Variants in NHERF2 observed in about 807,000 individuals in gnomAD.
NHERF2 encodes the protein Na(+)/H(+) exchange regulatory cofactor NHE-RF2.
At chr16:2,033,329 C>T in the NHERF2 span, 1 of 1,533,116 alleles carries the variant, frequency 6.5e-7, no homozygotes, top group East Asian at 2.4e-5. Flanking sequence ...ACGCCTGCCA[C>T]TTGCTGTCAC....
the NHERF2 span, chr16:2,038,372 C>T: frequency 6.7e-6 from 3 of 451,110 alleles, no homozygotes; most frequent in East Asian, 2.1e-4. Context: ...ATCTCCAGCT[C>T]CACACATGTT....
the NHERF2 span, chr16:2,037,540 C>T: frequency 4.3e-6 from 7 of 1,610,990 alleles, no homozygotes; most frequent in Non-Finnish European, 5.9e-6. Flanking sequence ...TTTCCCAGCT[C>T]AATGGTGGCT....
chr16:2,036,358 G>A, the NHERF2 span: 66 of 1,610,616 alleles, frequency 4.1e-5, no homozygotes, highest in East Asian at 6.7e-5. Context: ...CTGCGCCCTC[G>A]GCTCTGCCAC....
At chr16:2,037,653 G>A in the NHERF2 span, 2 of 1,590,892 alleles carry the variant, frequency 1.3e-6, no homozygotes, top group Non-Finnish European at 1.7e-6. Flanking sequence ...AGAGGCCTTG[G>A]GGTAGGCGTC....
chr16:2,029,703 T>TAC, the NHERF2 span: 71 of 1,508,830 alleles, frequency 4.7e-5, no homozygotes, highest in Middle Eastern at 1.7e-4. Context: ...CAGCGAGGGC[T>TAC]CCCACCCGCC....
chr16:2,031,105 C>T, the NHERF2 span, among the ~76,000 whole-genome samples: 1 of 152,200 alleles, frequency 6.6e-6, no homozygotes, highest in African/African-American at 2.4e-5. Flanking sequence ...CCAGACGTCA[C>T]TGCTGAAGCT....
chr16:2,032,664 T>G, the NHERF2 span: 1 of 233,934 alleles, frequency 4.3e-6, no homozygotes, highest in Non-Finnish European at 7.0e-6. The surrounding 1 kb of genome is among the most constrained non-coding windows in gnomAD (Gnocchi z 4.0). Context: ...GACACTGATG[T>G]GGTTGGCCCC....
the NHERF2 span, among the ~76,000 whole-genome samples, chr16:2,033,929 T>C: frequency 3.9e-4 from 59 of 152,160 alleles, no homozygotes; most frequent in African/African-American, 1.2e-3. Flanking sequence ...CTGCTGACAA[T>C]GAAGGGGTTT....
At chr16:2,037,806 A>G in the NHERF2 span, 1 of 1,568,476 alleles carries the variant, frequency 6.4e-7, no homozygotes, top group African/African-American at 1.4e-5. Context: ...CAGACACCCC[A>G]CCCACCGTGC....
the NHERF2 span, chr16:2,033,303 A>G: frequency 6.5e-6 from 10 of 1,532,504 alleles, no homozygotes; most frequent in African/African-American, 1.4e-5. Flanking sequence ...CAGAGAGTTC[A>G]GGCCACCCCG....
chr16:2,038,247 G>GAGAGAC, the NHERF2 span: 24 of 578,468 alleles, frequency 4.1e-5, no homozygotes, highest in African/African-American at 3.0e-4. Flanking sequence ...GAGACACAGA[G>GAGAGAC]AGAGACAGAG....
At chr16:2,035,518 C>T in the NHERF2 span, 30 of 986,516 alleles carry the variant, frequency 3.0e-5, no homozygotes, top group Admixed American at 6.1e-5. Context: ...TTGGCGCTCC[C>T]TGGAAACCTG....
the NHERF2 span, chr16:2,036,980 T>C: frequency 6.4e-6 from 10 of 1,551,970 alleles, no homozygotes; most frequent in South Asian, 7.1e-5. Context: ...CCGTCACCAA[T>C]GGAACCAGCC....
the NHERF2 span, chr16:2,035,474 G>A: frequency 1.3e-4 from 124 of 986,112 alleles, 1 homozygote; most frequent in South Asian, 5.2e-3. Flanking sequence ...CCCCCAGCCC[G>A]CCTGCACAGT....
chr16:2,027,839 C>T, the NHERF2 span, among the ~76,000 whole-genome samples: 1 of 152,194 alleles, frequency 6.6e-6, no homozygotes, highest in Non-Finnish European at 1.5e-5. Context: ...GCCGGTGAGT[C>T]TTTGTGTCTG....
chr16:2,027,398 T>TGG, the NHERF2 span, among the ~76,000 whole-genome samples: 42 of 145,316 alleles, frequency 2.9e-4, no homozygotes, highest in African/African-American at 8.1e-4. Flanking sequence ...TGCACGGGGG[T>TGG]GGGGGGGGGC....
the NHERF2 span, chr16:2,033,403 C>T: frequency 2.6e-6 from 4 of 1,533,478 alleles, no homozygotes; most frequent in South Asian, 4.8e-5. Flanking sequence ...GGGAGCCCCT[C>T]CACGGAGCCC....
chr16:2,033,527 G>A, the NHERF2 span: 1 of 1,303,276 alleles, frequency 7.7e-7, no homozygotes, highest in Non-Finnish European at 1.0e-6. Flanking sequence ...CTTGATGTAA[G>A]CAGGCTGGTC....
chr16:2,034,990 A>G, the NHERF2 span, among the ~76,000 whole-genome samples: 1 of 151,872 alleles, frequency 6.6e-6, no homozygotes, highest in Non-Finnish European at 1.5e-5. Flanking sequence ...GGGGTCTTGC[A>G]CCCTCTAATT....
Sources: allele counts gnomAD v4.1 joint callset (sites outside exome capture counted in the v4.1 genomes callset), GRCh38; gene constraint gnomAD v4.1.1; non-coding constraint Gnocchi (gnomAD v3.1); transcripts MANE v1.5; gene names NCBI Gene and HGNC (gene_info 2026-07-23, HGNC 2026-07-21).